Variants in TMEM108 observed in about 807,000 individuals in gnomAD.
The protein encoded by TMEM108 is transmembrane protein 108.
In TMEM108, 12 loss-of-function variants were observed where a neutral mutation model predicts 35.1. That is an observed-to-expected ratio of 0.34 (90% CI 0.22 to 0.55). The LOEUF is 0.55. Ranked by LOEUF, TMEM108 falls within the 20% of genes least tolerant of loss-of-function variation. The probability of loss-of-function intolerance (pLI) is 0.89; values close to 1 mark genes in which losing one functional copy is unlikely to be tolerated. For missense variants in TMEM108, 680 were observed against 753.3 expected, an observed-to-expected ratio of 0.90 and a Z score of 1.14; for synonymous variants, 287 against 308.6, an observed-to-expected ratio of 0.93 and a Z score of 0.73.
At chr3:133,392,312 G>A (rs375104710) in intron 5 of TMEM108, among the ~76,000 whole-genome samples, 13 of 152,064 alleles carry the variant, frequency 8.5e-5, no homozygotes, top group East Asian at 5.8e-4. Context: ...ACAAGCACAC[G>A]CGACCACGCC....
rs887762914 is a variant in TMEM108, at chr3:133,203,281, T to A, written c.-46-25985T>A. 3.3e-5 allele frequency among the ~76,000 whole-genome samples: 5 copies of A among 152,168 alleles called. No individual in the cohort carries two copies. The East Asian group carries it at 7.7e-4, about 23-fold the overall frequency. On this transcript the variant is annotated intron_variant, in intron 2 of 5. Coordinates refer to ENST00000321871, the MANE Select transcript of TMEM108 (RefSeq NM_023943.4). ...CCTTTCTTCCTATTTGAATACTCTT[T>A]TTTTCTTTCTCTTGCCTGACTGCCC...
chr3:133,316,929 A>G (rs1470790704), intron 3 of TMEM108, among the ~76,000 whole-genome samples: 1 of 152,226 alleles, frequency 6.6e-6, no homozygotes, highest in Non-Finnish European at 1.5e-5. Flanking sequence ...AGCCCAGGGA[A>G]GTCAAACTGT....
intron 3 of TMEM108, among the ~76,000 whole-genome samples, chr3:133,315,037 G>A (rs1258580514): frequency 6.6e-6 from 1 of 152,126 alleles, no homozygotes; most frequent in African/African-American, 2.4e-5. Flanking sequence ...CGGTTTTCCT[G>A]TTTGTAATAT....
At chr3:133,117,496 C>G (rs1490438150) in intron 2 of TMEM108, among the ~76,000 whole-genome samples, 1 of 152,214 alleles carries the variant, frequency 6.6e-6, no homozygotes, top group Non-Finnish European at 1.5e-5. Flanking sequence ...AAGGGAGACT[C>G]AAACCTCAGA....
At chr3:133,100,986 T>TTTTATACC (rs1944080011) in intron 2 of TMEM108, among the ~76,000 whole-genome samples, 1 of 150,856 alleles carries the variant, frequency 6.6e-6, no homozygotes. Context: ...TATACCTACA[T>TTTTATACC]TAAGAACATT....
At chr3:133,355,958 A>G (rs1211107818) in intron 3 of TMEM108, among the ~76,000 whole-genome samples, 10 of 152,114 alleles carry the variant, frequency 6.6e-5, no homozygotes, top group Non-Finnish European at 4.4e-5. Flanking sequence ...AAGAAGAACT[A>G]GGAAGTCCTA....
chr3:133,314,913 T>G (rs1350499372), intron 3 of TMEM108, among the ~76,000 whole-genome samples: 1 of 152,198 alleles, frequency 6.6e-6, no homozygotes, highest in East Asian at 1.9e-4. Flanking sequence ...TTCAAGACAC[T>G]CTTGGTAACA....
At chr3:133,343,297 A>G (rs530084674) in intron 3 of TMEM108, among the ~76,000 whole-genome samples, 1 of 152,066 alleles carries the variant, frequency 6.6e-6, no homozygotes, top group African/African-American at 2.4e-5. Flanking sequence ...CACTTTAGAG[A>G]CACTGTAGAC....
chr3:133,341,720 A>G (rs916704664), intron 3 of TMEM108, among the ~76,000 whole-genome samples: 2 of 151,902 alleles, frequency 1.3e-5, no homozygotes, highest in African/African-American at 4.8e-5. Flanking sequence ...GAACCTGGAG[A>G]AAAATCCATG....
At chr3:133,184,377 A>G (rs928393280) in intron 2 of TMEM108, among the ~76,000 whole-genome samples, 7 of 152,190 alleles carry the variant, frequency 4.6e-5, no homozygotes, top group Admixed American at 3.9e-4. Flanking sequence ...TTCCAATTAG[A>G]GTTTTGCTTC....
chr3:133,327,312 T>C (rs1196394672), intron 3 of TMEM108, among the ~76,000 whole-genome samples: 1 of 152,184 alleles, frequency 6.6e-6, no homozygotes, highest in African/African-American at 2.4e-5. Context: ...TAAAGTTTCT[T>C]TGTGGTTAAT....
intron 2 of TMEM108, among the ~76,000 whole-genome samples, chr3:133,215,121 T>C (rs1404947383): frequency 6.6e-6 from 1 of 152,142 alleles, no homozygotes; most frequent in African/African-American, 2.4e-5. Context: ...AACTGATCAG[T>C]ATGTACCCTT....
At chr3:133,266,916 CAAA>C (rs11389496) in intron 3 of TMEM108, among the ~76,000 whole-genome samples, 7 of 121,326 alleles carry the variant, frequency 5.8e-5, no homozygotes, top group Non-Finnish European at 3.3e-5. Context: ...ACTAAAAATC[CAAA>C]AAAAAAAAAA....
intron 3 of TMEM108, among the ~76,000 whole-genome samples, chr3:133,259,621 A>G (rs774141733): frequency 1.3e-5 from 2 of 152,204 alleles, no homozygotes; most frequent in Non-Finnish European, 2.9e-5. Context: ...TCTTTCAGCT[A>G]TTTGATATTG....
At chr3:133,192,103 T>C (rs1945506874) in intron 2 of TMEM108, among the ~76,000 whole-genome samples, 1 of 152,166 alleles carries the variant, frequency 6.6e-6, no homozygotes, top group African/African-American at 2.4e-5. Context: ...GCACAAGCTC[T>C]GACAGCTTGA....
intron 3 of TMEM108, among the ~76,000 whole-genome samples, chr3:133,238,372 G>A (rs1576403533): frequency 2.0e-5 from 3 of 152,278 alleles, no homozygotes; most frequent in Non-Finnish European, 4.4e-5. Context: ...TCAAATCTAA[G>A]ATGCTAGTAG....
At chr3:133,383,150 A>T (rs1393871087) in intron 4 of TMEM108, among the ~76,000 whole-genome samples, 1 of 152,228 alleles carries the variant, frequency 6.6e-6, no homozygotes, top group Non-Finnish European at 1.5e-5. Context: ...TACAGTAGAG[A>T]CAGCTTTCTA....
chr3:133,125,483 G>A (rs937190035), intron 2 of TMEM108, among the ~76,000 whole-genome samples: 6 of 152,062 alleles, frequency 3.9e-5, no homozygotes, highest in Non-Finnish European at 7.3e-5. Flanking sequence ...ATCCAGCTCC[G>A]AAAATAAGAG....
intron 2 of TMEM108, among the ~76,000 whole-genome samples, chr3:133,057,445 A>G (rs1260485194): frequency 0.076 from 1,630 of 21,366 alleles, 13 homozygotes; most frequent in Non-Finnish European, 0.14. Context: ...GTATATATAT[A>G]TATATATATA....
Sources: allele counts gnomAD v4.1 joint callset (sites outside exome capture counted in the v4.1 genomes callset), GRCh38; gene constraint gnomAD v4.1.1; transcripts MANE v1.5; gene names NCBI Gene and HGNC (gene_info 2026-07-23, HGNC 2026-07-21).